The following CAAP1 variants were observed in gnomAD, a reference collection of about 807,000 sequenced individuals.
CAAP1 encodes the protein caspase activity and apoptosis inhibitor 1.
CAAP1 carries 20 observed loss-of-function variants against 34.0 expected under a neutral mutation model. That is an observed-to-expected ratio of 0.59 (90% CI 0.41 to 0.86). CAAP1 has a LOEUF of 0.86. Ranked by LOEUF, CAAP1 falls within the 40% of genes least tolerant of loss-of-function variation. The pLI is 0.00. For synonymous variants in CAAP1, 213 were observed against 166.7 expected, an observed-to-expected ratio of 1.28 and a Z score of -2.14; for missense variants, 538 against 450.5, an observed-to-expected ratio of 1.19 and a Z score of -1.76.
chr9:26,875,246 C>T (rs1356199612), intron 4 of CAAP1, among the ~76,000 whole-genome samples: 2 of 152,000 alleles, frequency 1.3e-5, no homozygotes, highest in East Asian at 1.9e-4. Flanking sequence ...ATTAGCCAGG[C>T]GTGGTGGCAT....
intron 4 of CAAP1, among the ~76,000 whole-genome samples, chr9:26,875,422 A>G (rs1823405302): frequency 6.6e-6 from 1 of 152,208 alleles, no homozygotes; most frequent in African/African-American, 2.4e-5. Context: ...GTCTCAAAAA[A>G]CAAAAACAAA....
chr9:26,880,461 G>T, intron 4 of CAAP1: 1 of 206,820 alleles, frequency 4.8e-6, no homozygotes, highest in South Asian at 7.4e-5. Flanking sequence ...AGGAGAGGGT[G>T]CACTCTTGTA....
At chr9:26,852,584 C>T (rs1035771963) in intron 5 of CAAP1, among the ~76,000 whole-genome samples, 3 of 152,054 alleles carry the variant, frequency 2.0e-5, no homozygotes, top group African/African-American at 7.2e-5. Context: ...AATAAGAGTA[C>T]ACTACTGGTG....
At chr9:26,849,967 T>C (rs747507915) in intron 5 of CAAP1, among the ~76,000 whole-genome samples, 11 of 151,736 alleles carry the variant, frequency 7.2e-5, no homozygotes, top group Non-Finnish European at 1.6e-4. Flanking sequence ...GCCTCGCGAG[T>C]AGCTGGGACT....
intron 4 of CAAP1, among the ~76,000 whole-genome samples, chr9:26,864,838 T>C (rs1014217036): frequency 3.9e-5 from 6 of 152,232 alleles, no homozygotes; most frequent in Admixed American, 3.9e-4. Context: ...CTATCTACCA[T>C]TTTAGGTCAC....
Position 26,842,223 on chromosome 9 carries a change from C to A in CAAP1, c.*78G>T, listed in dbSNP as rs533522568. On this transcript the variant is annotated 3_prime_UTR_variant, in exon 6 of 6. Coordinates refer to ENST00000333916, the MANE Select transcript of CAAP1 (RefSeq NM_024828.4). ...TACATGAGAAATAACATATAAGACC[C>A]CAAATAAATTTTAGATACAAAATTA... 5.1e-6 allele frequency: 6 copies of A among 1,165,156 alleles called. No individual in the cohort carries two copies. The South Asian group carries it at 9.8e-5, about 19-fold the overall frequency. 72.2% of individuals were successfully genotyped at this position (1,165,156 alleles called of 1,614,324 possible).
intron 5 of CAAP1, among the ~76,000 whole-genome samples, chr9:26,851,265 A>C (rs78686335): frequency 6.6e-6 from 1 of 152,220 alleles, no homozygotes; most frequent in African/African-American, 2.4e-5. Context: ...AGATATTCAT[A>C]GATATATGAT....
chr9:26,882,585 A>G (rs1171303233), intron 4 of CAAP1, among the ~76,000 whole-genome samples: 2 of 152,204 alleles, frequency 1.3e-5, no homozygotes, highest in Non-Finnish European at 2.9e-5. Context: ...AGGGCAGTGC[A>G]GAAGGGAAAT....
chr9:26,890,699 A>G (rs1042821293), intron 1 of CAAP1, among the ~76,000 whole-genome samples: 14 of 152,200 alleles, frequency 9.2e-5, no homozygotes, highest in African/African-American at 3.1e-4. Context: ...TAATCCCAGC[A>G]CTTTGGGAGG....
At chr9:26,860,100 ATAACT>A (rs1049596423) in intron 5 of CAAP1, among the ~76,000 whole-genome samples, 4 of 152,222 alleles carry the variant, frequency 2.6e-5, no homozygotes, top group African/African-American at 7.2e-5. Flanking sequence ...TACATGATAG[ATAACT>A]TAATCTTCTT....
At chr9:26,844,772 T>C (rs896906774) in intron 5 of CAAP1, among the ~76,000 whole-genome samples, 24 of 152,224 alleles carry the variant, frequency 1.6e-4, no homozygotes, top group Non-Finnish European at 3.4e-4. Context: ...GAGAATACTC[T>C]TGATTCCCTG....
rs112790911 is a variant in CAAP1, at chr9:26,850,144, A to C, written c.740-7497T>G. On this transcript the variant is annotated intron_variant, in intron 5 of 5. Coordinates refer to ENST00000333916, the MANE Select transcript of CAAP1 (RefSeq NM_024828.4). ...AGCCACCACGCCCGGCTAGTAAAAC[A>C]ATTTTTTAACAAAACTTTATGAAGA... 1.7e-3 allele frequency among the ~76,000 whole-genome samples: 265 copies of C among 152,288 alleles called. 3 individuals are homozygous for C. The highest frequency in any genetic ancestry group is 6.0e-3 in the African/African-American group (251 of 41,574).
chr9:26,892,493 C>T lies in CAAP1; in HGVS notation c.223G>A (p.Gly75Ser). Residue 75 changes from glycine (G) to serine (S), a missense_variant, in exon 1 of 6, where the codon GGC (glycine) becomes AGC (serine). Transcript: ENST00000333916. Reference sequence around the variant, plus strand: ...TCGCTGCGCTCCACGCTGCTCCCGCCCCAACAGCTGCCGCCGCTCCCACCG... The same window carrying T: ...TCGCTGCGCTCCACGCTGCTCCCGCTCCAACAGCTGCCGCCGCTCCCACCG... ...TGGGSGGSCW[G>S]GSSVERSERR... 2 of 1,568,112 alleles carry T rather than the reference C, an allele frequency of 1.3e-6. No individual in the cohort carries two copies. The highest frequency in any genetic ancestry group is 1.7e-6 in the Non-Finnish European group (2 of 1,156,258).
At chr9:26,843,362 A>G (rs536031354) in intron 5 of CAAP1, among the ~76,000 whole-genome samples, 1 of 152,340 alleles carries the variant, frequency 6.6e-6, no homozygotes, top group African/African-American at 2.4e-5. Context: ...TGTTCTTGGC[A>G]TTGAATACTA....
At chr9:26,877,199 A>G (rs1823457968) in intron 4 of CAAP1, among the ~76,000 whole-genome samples, 1 of 152,236 alleles carries the variant, frequency 6.6e-6, no homozygotes. Context: ...GACTACATGT[A>G]TCAAGATGTA....
intron 4 of CAAP1, among the ~76,000 whole-genome samples, chr9:26,884,020 T>C (rs1399461418): frequency 1.3e-5 from 2 of 152,236 alleles, no homozygotes; most frequent in Admixed American, 6.5e-5. Context: ...CTGCCCCTGG[T>C]AACCTCTTCT....
At chr9:26,844,719 T>C (rs576214170) in intron 5 of CAAP1, among the ~76,000 whole-genome samples, 1 of 152,242 alleles carries the variant, frequency 6.6e-6, no homozygotes, top group African/African-American at 2.4e-5. Context: ...TTTGTGATCA[T>C]GTCAGTATCC....
At chr9:26,891,431 C>G (rs1397658167) in intron 1 of CAAP1, among the ~76,000 whole-genome samples, 5 of 152,078 alleles carry the variant, frequency 3.3e-5, no homozygotes, top group Admixed American at 2.0e-4. Context: ...TCTGTAAAGT[C>G]TCATTTGGAA....
intron 4 of CAAP1, among the ~76,000 whole-genome samples, chr9:26,870,854 C>T (rs1176209160): frequency 1.3e-5 from 2 of 151,912 alleles, no homozygotes; most frequent in Non-Finnish European, 2.9e-5. Context: ...TGACCTCAAG[C>T]GATCCACCCG....
Sources: gnomAD v4.1 joint callset for allele counts (sites outside exome capture counted in the v4.1 genomes callset) on GRCh38, gnomAD v4.1.1 for gene constraint, MANE v1.5 for transcripts, NCBI Gene and HGNC (gene_info 2026-07-23, HGNC 2026-07-21) for gene names.